PCDH15: variants seen among roughly 807,000 people sequenced by gnomAD.
The protein encoded by PCDH15 is protocadherin related 15.
Under a neutral mutation model 178.5 loss-of-function variants are expected in PCDH15, and 129 were observed. That is an observed-to-expected ratio of 0.72 (90% CI 0.63 to 0.84). The LOEUF (loss-of-function observed/expected upper bound fraction) is 0.84. Ranked by LOEUF, PCDH15 falls within the 40% of genes least tolerant of loss-of-function variation. The pLI is 0.00. For synonymous variants in PCDH15, 800 were observed against 732.0 expected (o/e 1.09, Z -1.50); for missense variants, 2,230 against 2,099.9 (o/e 1.06, Z -1.21).
At chr10:55,412,178 T>A (rs1838354359) in intron 2 of PCDH15, among the ~76,000 whole-genome samples, 1 of 152,050 alleles carries the variant, frequency 6.6e-6, no homozygotes. Flanking sequence ...GCAAGTTCCA[T>A]CACACATCAA....
intron 3 of PCDH15, among the ~76,000 whole-genome samples, chr10:54,500,363 C>T (rs116750662): frequency 1.0e-3 from 158 of 152,188 alleles, no homozygotes; most frequent in African/African-American, 3.5e-3. Flanking sequence ...ACCTTGGTGA[C>T]AAGGTTATTT....
intron 16 of PCDH15, among the ~76,000 whole-genome samples, chr10:54,086,156 A>G (rs1565219933): frequency 6.6e-6 from 1 of 152,272 alleles, no homozygotes; most frequent in East Asian, 1.9e-4. Flanking sequence ...GCATACTGCC[A>G]GCATCTGCTT....
At chr10:54,593,629 A>C (rs965360618) in intron 2 of PCDH15, among the ~76,000 whole-genome samples, 4 of 152,100 alleles carry the variant, frequency 2.6e-5, no homozygotes, top group Non-Finnish European at 5.9e-5. Flanking sequence ...TTTCTTGCTC[A>C]TAATTGGTTT....
chr10:54,879,563 G>A (rs1564597083), intron 3 of PCDH15, among the ~76,000 whole-genome samples: 1 of 151,752 alleles, frequency 6.6e-6, no homozygotes, highest in Non-Finnish European at 1.5e-5. Flanking sequence ...GTAATAAAAT[G>A]ATGTTATTGG....
At chr10:55,071,106 C>T (rs1190368680) in intron 2 of PCDH15, among the ~76,000 whole-genome samples, 2 of 152,084 alleles carry the variant, frequency 1.3e-5, no homozygotes, top group African/African-American at 4.8e-5. Context: ...ATGCACTAAA[C>T]ATGGAAAGGA....
At chr10:53,907,421 T>G (rs893049106) in intron 25 of PCDH15, among the ~76,000 whole-genome samples, 28 of 152,094 alleles carry the variant, frequency 1.8e-4, no homozygotes, top group Non-Finnish European at 3.5e-4. Flanking sequence ...AGTATTCCCC[T>G]CCAGTCTCCC....
chr10:55,243,807 G>T (rs895567773), intron 1 of PCDH15, among the ~76,000 whole-genome samples: 11 of 152,030 alleles, frequency 7.2e-5, no homozygotes, highest in African/African-American at 2.7e-4. Context: ...TGAACATTGG[G>T]CATGAAGTAC....
chr10:55,303,645 T>C (rs1399695677), intron 1 of PCDH15, among the ~76,000 whole-genome samples: 1 of 152,206 alleles, frequency 6.6e-6, no homozygotes. Context: ...GTTGGTGTTT[T>C]TTTTGGTAGA....
At chr10:53,888,308 ATGTATATATG>A (rs2081267803) in intron 26 of PCDH15, among the ~76,000 whole-genome samples, 1 of 91,270 alleles carries the variant, frequency 1.1e-5, no homozygotes, top group Non-Finnish European at 2.0e-5. Context: ...ATATATATAT[ATGTATATATG>A]TACGTATATA....
rs1390048086 is a variant in PCDH15 at position 53,806,150 on chromosome 10, C to T, written c.*429G>A. 5.9e-6 allele frequency: 1 copy of T among 169,330 alleles called. No homozygotes were observed. The highest frequency in any genetic ancestry group is 1.3e-5 in the Non-Finnish European group (1 of 78,630). 10.5% of individuals were successfully genotyped at this position (169,330 alleles called of 1,614,324 possible). A position where few individuals can be genotyped will look rare whatever the true frequency, so the allele number is the denominator to read the frequency against. On this transcript the variant is annotated 3_prime_UTR_variant, in exon 38 of 38. Coordinates refer to ENST00000644397, the MANE Select transcript of PCDH15 (RefSeq NM_001384140.1). ...AGACAGCAGCTGTATAAACTCATTG[C>T]CTGTAAATATCCTCTTACTTCTTTT...
chr10:55,179,848 C>A (rs887718148), intron 1 of PCDH15, among the ~76,000 whole-genome samples: 1 of 151,900 alleles, frequency 6.6e-6, no homozygotes, highest in Non-Finnish European at 1.5e-5. Flanking sequence ...GAAGTGGCAA[C>A]TGGGTGACAC....
At chr10:54,297,178 A>C (rs1216742767) in intron 8 of PCDH15, among the ~76,000 whole-genome samples, 1 of 152,108 alleles carries the variant, frequency 6.6e-6, no homozygotes, top group East Asian at 1.9e-4. Context: ...GGGGAGAAAC[A>C]AACAAAACAA....
At chr10:54,881,209 A>G (rs142574672) in intron 3 of PCDH15, among the ~76,000 whole-genome samples, 1 of 152,196 alleles carries the variant, frequency 6.6e-6, no homozygotes, top group Non-Finnish European at 1.5e-5. Context: ...GCAGCTTCAT[A>G]GCAGGGGCGC....
chr10:54,753,341 C>T (rs1292378056), intron 1 of PCDH15, among the ~76,000 whole-genome samples: 2 of 151,982 alleles, frequency 1.3e-5, no homozygotes, highest in Admixed American at 6.6e-5. Flanking sequence ...ATACACCATG[C>T]CCAGCTAACT....
chr10:53,889,394 T>A (rs2133456118), intron 26 of PCDH15, among the ~76,000 whole-genome samples: 1 of 151,820 alleles, frequency 6.6e-6, no homozygotes, highest in East Asian at 1.9e-4. Flanking sequence ...CAGAGAAAAA[T>A]GTTAGAAAGA....
intron 2 of PCDH15, among the ~76,000 whole-genome samples, chr10:55,591,199 C>A (rs1459969380): frequency 6.6e-6 from 1 of 151,916 alleles, no homozygotes; most frequent in Non-Finnish European, 1.5e-5. Flanking sequence ...GTGGCTCACA[C>A]CTGTCATCCC....
chr10:55,396,063 GA>G (rs1338870864), intron 2 of PCDH15, among the ~76,000 whole-genome samples: 1 of 143,322 alleles, frequency 7.0e-6, no homozygotes, highest in African/African-American at 2.4e-5. Flanking sequence ...GGATTCGTTA[GA>G]TAAAAAATAG....
chr10:54,692,227 T>C (rs1001011166), intron 1 of PCDH15, among the ~76,000 whole-genome samples: 2 of 152,166 alleles, frequency 1.3e-5, no homozygotes, highest in Non-Finnish European at 2.9e-5. Context: ...AGAAGATATA[T>C]TTCCAATTCT....
intron 1 of PCDH15, among the ~76,000 whole-genome samples, chr10:55,251,704 T>C (rs1390106647): frequency 2.0e-5 from 3 of 152,240 alleles, no homozygotes; most frequent in South Asian, 4.1e-4. Flanking sequence ...ACAGGTCCAA[T>C]TGTTGAATTG....
Sources: allele counts gnomAD v4.1 joint callset (sites outside exome capture counted in the v4.1 genomes callset), GRCh38; gene constraint gnomAD v4.1.1; transcripts MANE v1.5; gene names NCBI Gene and HGNC (gene_info 2026-07-23, HGNC 2026-07-21).